The following ZNF148 variants were observed in gnomAD, a reference collection of about 807,000 sequenced individuals.
ZNF148 encodes the protein Beta-Enolase Repressor Factor-1.
In ZNF148, 7 loss-of-function variants were observed where a neutral mutation model predicts 67.7. The observed-to-expected ratio is 0.10, with a 90% CI of 0.06 to 0.19. The LOEUF (loss-of-function observed/expected upper bound fraction) is 0.19, where lower values mean the gene tolerates loss of function less well. Ranked by LOEUF, ZNF148 falls within the 10% of genes least tolerant of loss-of-function variation. The pLI is 1.00. For synonymous variants in ZNF148, 333 were observed against 330.7 expected, an observed-to-expected ratio of 1.01 and a Z score of -0.08; for missense variants, 583 against 947.1, an observed-to-expected ratio of 0.62 and a Z score of 5.05.
intron 1 of ZNF148, among the ~76,000 whole-genome samples, chr3:125,372,928 T>C (rs1942937858): frequency 6.6e-6 from 1 of 152,026 alleles, no homozygotes; most frequent in African/African-American, 2.4e-5. Flanking sequence ...ATCACGCCAT[T>C]GCACTCCAGT....
intron 2 of ZNF148, among the ~76,000 whole-genome samples, chr3:125,328,665 A>G (rs1941135993): frequency 1.3e-5 from 2 of 152,062 alleles, no homozygotes; most frequent in African/African-American, 4.8e-5. Context: ...AAATGACAAG[A>G]GGCTCCTTTC....
chr3:125,276,308 G>C (rs1289686372), intron 7 of ZNF148, among the ~76,000 whole-genome samples: 1 of 152,070 alleles, frequency 6.6e-6, no homozygotes, highest in Non-Finnish European at 1.5e-5. Flanking sequence ...CTAATAAAAA[G>C]AGATGAATAC....
chr3:125,274,512 G>A (rs1937938401), intron 7 of ZNF148, among the ~76,000 whole-genome samples: 1 of 152,120 alleles, frequency 6.6e-6, no homozygotes, highest in African/African-American at 2.4e-5. Flanking sequence ...GTGTTTCATA[G>A]ACAAGCCCAA....
intron 4 of ZNF148, among the ~76,000 whole-genome samples, chr3:125,298,618 ATTTTT>A (rs11312460): frequency 1.9e-5 from 2 of 102,652 alleles, no homozygotes; most frequent in African/African-American, 4.3e-5. Context: ...TTTATATTAA[ATTTTT>A]TTTTTTTTTT....
At chr3:125,361,361 A>G (rs1340696630) in intron 1 of ZNF148, among the ~76,000 whole-genome samples, 1 of 151,632 alleles carries the variant, frequency 6.6e-6, no homozygotes, top group Non-Finnish European at 1.5e-5. Context: ...CCTCCAGAAC[A>G]CCCTCCTATT....
At chr3:125,247,347 CAG>C (rs987455820) in intron 7 of ZNF148, among the ~76,000 whole-genome samples, 4 of 152,110 alleles carry the variant, frequency 2.6e-5, no homozygotes, top group African/African-American at 4.8e-5. Context: ...TTTTCTTTTG[CAG>C]AGTTATGAAA....
At chr3:125,355,445 CG>C (rs946063335) in intron 1 of ZNF148, among the ~76,000 whole-genome samples, 16 of 152,202 alleles carry the variant, frequency 1.1e-4, no homozygotes, top group African/African-American at 3.6e-4. Context: ...TGTCTCCAGA[CG>C]TTTGACAAAA....
At chr3:125,368,988 G>T (rs577545308) in intron 1 of ZNF148, among the ~76,000 whole-genome samples, 1 of 149,148 alleles carries the variant, frequency 6.7e-6, no homozygotes, top group Non-Finnish European at 1.5e-5. Flanking sequence ...TGGGCTCGGC[G>T]CAGTGGCTCA....
At chr3:125,336,128 G>A (rs1441050752) in intron 1 of ZNF148, among the ~76,000 whole-genome samples, 3 of 152,146 alleles carry the variant, frequency 2.0e-5, no homozygotes, top group Admixed American at 6.5e-5. Flanking sequence ...TCAATGAAAC[G>A]TGTAATGCTT....
At chr3:125,333,630 G>C (rs1197361629) in intron 1 of ZNF148, among the ~76,000 whole-genome samples, 1 of 152,190 alleles carries the variant, frequency 6.6e-6, no homozygotes, top group Non-Finnish European at 1.5e-5. Context: ...AGTCAGTTCA[G>C]ATCTTCCTCT....
At chr3:125,255,350 G>A (rs6784613) in intron 7 of ZNF148, among the ~76,000 whole-genome samples, 115,970 of 150,228 alleles carry the variant, frequency 0.77, 45,222 homozygotes, top group African/African-American at 0.85. Flanking sequence ...AGGTTCAAGC[G>A]ATTCTCCTGC....
intron 7 of ZNF148, among the ~76,000 whole-genome samples, chr3:125,269,238 G>T (rs1937614468): frequency 6.8e-6 from 1 of 146,690 alleles, no homozygotes; most frequent in Admixed American, 6.9e-5. Context: ...AAAATTAGCT[G>T]CAAGTGGTGG....
intron 7 of ZNF148, among the ~76,000 whole-genome samples, chr3:125,264,495 T>C (rs1037472014): frequency 2.0e-5 from 3 of 152,192 alleles, no homozygotes; most frequent in Non-Finnish European, 4.4e-5. Context: ...TAGTAATTGG[T>C]ACCATCTGTC....
At chr3:125,322,153 C>T (rs1278125835) in intron 3 of ZNF148, among the ~76,000 whole-genome samples, 1 of 151,412 alleles carries the variant, frequency 6.6e-6, no homozygotes, top group Non-Finnish European at 1.5e-5. Context: ...CCTCAGCCTC[C>T]CGAGTAGCCG....
intron 7 of ZNF148, among the ~76,000 whole-genome samples, chr3:125,240,433 T>C (rs1370813155): frequency 1.3e-5 from 2 of 152,046 alleles, no homozygotes; most frequent in Non-Finnish European, 2.9e-5. Flanking sequence ...TAATTAACAG[T>C]TTATTTAACT....
chr3:125,243,074 T>A (rs1276248364), intron 7 of ZNF148, among the ~76,000 whole-genome samples: 1 of 152,214 alleles, frequency 6.6e-6, no homozygotes, highest in Non-Finnish European at 1.5e-5. Flanking sequence ...TATGTTAACT[T>A]ATGAACAATT....
chr3:125,329,494 TG>T (rs1157447723), intron 2 of ZNF148, among the ~76,000 whole-genome samples: 2 of 151,540 alleles, frequency 1.3e-5, no homozygotes, highest in East Asian at 1.9e-4. Flanking sequence ...CCCGAGTAGC[TG>T]GGGTAACAGG....
At position 125,232,937 on chromosome 3, in the gene ZNF148, C is replaced by A. The variant is rs765903612; in HGVS notation, c.1789G>T (p.Asp597Tyr). 2 of 1,613,848 alleles carry A rather than the reference C, an allele frequency of 1.2e-6. No individual in the cohort carries two copies. Residue 597 changes from aspartate (D) to tyrosine (Y), a missense_variant, in exon 9 of 9, where the codon GAT becomes TAT. Transcript: ENST00000360647. The surrounding 1 kb of genome is among the most constrained non-coding windows in gnomAD (Gnocchi z 4.2). ...TATTCCTGCAACATGTTGGCTTTATCTGATGAGGATGCTTGGGAGCTTGAT... is the reference window on the plus strand; with the variant it reads ...TATTCCTGCAACATGTTGGCTTTATATGATGAGGATGCTTGGGAGCTTGAT... ...VGSSSQASSS[D>Y]KANMLQEYSK...
At chr3:125,373,675 A>T (rs1391850560) in intron 1 of ZNF148, among the ~76,000 whole-genome samples, 3 of 152,088 alleles carry the variant, frequency 2.0e-5, no homozygotes, top group Non-Finnish European at 4.4e-5. Flanking sequence ...GCAGGCCCAC[A>T]CTTTGCTGGC....
Sources: gnomAD v4.1 joint callset for allele counts (sites outside exome capture counted in the v4.1 genomes callset) on GRCh38, gnomAD v4.1.1 for gene constraint, Gnocchi (gnomAD v3.1) non-coding constraint, MANE v1.5 for transcripts, NCBI Gene and HGNC (gene_info 2026-07-23, HGNC 2026-07-21) for gene names.